CRB2: variants seen among roughly 807,000 people sequenced by gnomAD.
CRB2 encodes crumbs cell polarity complex component 2, also known as protein crumbs homolog 2.
Under a neutral mutation model 110.9 loss-of-function variants are expected in CRB2, and 85 were observed. The ratio of observed to expected loss-of-function variants is 0.77; its 90% CI spans 0.64 to 0.92. CRB2 has a LOEUF of 0.92. CRB2 is among the 40% of genes least tolerant of loss of function. CRB2 has a pLI of 0.00. For missense variants in CRB2, 1,843 were observed against 1,851.3 expected (o/e 1.00, Z 0.08); for synonymous variants, 907 against 831.0 (o/e 1.09, Z -1.57).
At chr9:123,374,887 G>A (rs2042080230) in intron 11 of CRB2, among the ~76,000 whole-genome samples, 192 bp downstream of exon 11, 2 of 152,256 alleles carry the variant, frequency 1.3e-5, no homozygotes, top group African/African-American at 4.8e-5. Context: ...CTGGGCAGTG[G>A]TTGCCTGGTG....
At chr9:123,361,654 TC>T (rs750289704) in intron 1 of CRB2, among the ~76,000 whole-genome samples, 23 of 152,030 alleles carry the variant, frequency 1.5e-4, no homozygotes, top group Non-Finnish European at 3.2e-4. Flanking sequence ...GAGGCTCTCC[TC>T]CCCCATCCCT....
At chr9:123,362,150 G>A (rs764616654) in intron 1 of CRB2, among the ~76,000 whole-genome samples, 2 of 152,328 alleles carry the variant, frequency 1.3e-5, no homozygotes, top group South Asian at 4.1e-4. Context: ...TGGCTGGCAG[G>A]GGGTGGGTAG....
In CRB2 at chr9:123,363,170, T is replaced by A; in HGVS notation, c.400T>A (p.Cys134Ser). The A allele has an allele frequency of 6.2e-7, 1 of 1,607,308 alleles. No homozygotes were observed. Among genetic ancestry groups the A allele is most frequent in the Non-Finnish European group, 8.5e-7 (1 of 1,177,182 alleles). ...RNLADRYECH[C>S]PLGYAGVTCE... ...CCTGGCCGATCGCTACGAGTGCCAT[T>A]GCCCCCTTGGCTATGCAGGTAACAG... Residue 134 changes from cysteine to serine, a missense_variant, in exon 2 of 13, where the codon TGC (cysteine) becomes AGC (serine). Physicochemically the swap from Cys to Ser is moderately radical, Grantham distance 112. Coordinates refer to ENST00000373631, the MANE Select transcript of CRB2 (RefSeq NM_173689.7).
intron 1 of CRB2, among the ~76,000 whole-genome samples, chr9:123,358,872 TG>T (rs1440386320): frequency 6.6e-6 from 1 of 152,218 alleles, no homozygotes. Flanking sequence ...CCCCAGGTTT[TG>T]GCATGGAACC....
At chr9:123,368,465 T>TG in intron 6 of CRB2, among the ~76,000 whole-genome samples, 1 of 152,332 alleles carries the variant, frequency 6.6e-6, no homozygotes, top group East Asian at 1.9e-4. Context: ...TGGCACACAG[T>TG]GGGCCCACAC....
chr9:123,376,789 G>C (rs184261012), intron 12 of CRB2, 49 bp from the exon 13 acceptor site: 2 of 1,527,048 alleles, frequency 1.3e-6, no homozygotes, highest in Non-Finnish European at 1.8e-6. Flanking sequence ...GGGCCCCGGC[G>C]TCCTCCCCTT....
chr9:123,355,768 C>T (rs1043453171), upstream of CRB2, among the ~76,000 whole-genome samples: 1 of 148,600 alleles, frequency 6.7e-6, no homozygotes, highest in African/African-American at 2.5e-5. Context: ...AGCTTCCCAG[C>T]AGAGACAGGG....
At position 123,376,951 on chromosome 9, in the gene CRB2, A is replaced by T. The variant is rs2042112403; in HGVS notation, c.3747A>T (p.Arg1249=). 2.5e-6 allele frequency: 4 copies of T among 1,606,946 alleles called. No homozygotes were observed. Among genetic ancestry groups the T allele is most frequent in the Non-Finnish European group, 3.4e-6 (4 of 1,177,904 alleles). The change falls in exon 13 of 13, where the codon CGA becomes CGT. Residue 1249 remains arginine, a synonymous_variant. Transcript: ENST00000373631. The part of the protein sequence containing the change: ...LGLLSGILAA[R]KRRQSEGTYS... The stretch of plus-strand genomic sequence containing the variant: ...TCCTTTCAGGGATCCTGGCAGCCCG[A>T]AAGCGCCGCCAGTCTGAGGGCACCT...
Position 123,374,708 on chromosome 9 carries a change from G to T in CRB2, c.3506+13G>T, listed in dbSNP as rs748172202. On this transcript the variant is annotated intron_variant, in intron 11 of 12. Coordinates refer to ENST00000373631, the MANE Select transcript of CRB2 (RefSeq NM_173689.7). ...TTGCTGGCCAGAGGTGGGTCTGGGG[G>T]CCTGGGAACTGTGAGGAGGTCCAAT... The T allele has an allele frequency of 2.5e-6, 4 of 1,584,010 alleles. No homozygotes were observed. The highest frequency in any genetic ancestry group is 3.4e-6 in the Non-Finnish European group (4 of 1,160,330).
Position 123,373,697 on chromosome 9 carries a change from G to T in CRB2, c.3166G>T (p.Gly1056Cys). Reference protein sequence around the residue: ...GTPAPILGCRGAPVCAPSPCL... With the variant: ...GTPAPILGCRCAPVCAPSPCL... ...GCCGGCCCCGATCCTCGGCTGCCGC[G>T]GCGCGCCCGTGTGTGCGCCCTCGCC... The change falls in exon 10 of 13, where the codon GGC becomes TGC. Residue 1056 changes from glycine to cysteine, a missense_variant. Gly to Cys is a radical substitution (Grantham distance 159, BLOSUM62 -3). Transcript: ENST00000373631. The T allele has an allele frequency of 6.7e-7, 1 of 1,488,492 alleles. No homozygotes were observed. Among genetic ancestry groups the T allele is most frequent in the Non-Finnish European group, 8.8e-7 (1 of 1,130,852 alleles). 92.2% of individuals were successfully genotyped at this position (1,488,492 alleles called of 1,614,324 possible).
intron 4 of CRB2, among the ~76,000 whole-genome samples, chr9:123,366,737 G>C (rs2041937941): frequency 6.6e-6 from 1 of 152,092 alleles, no homozygotes; most frequent in Non-Finnish European, 1.5e-5. Context: ...CGGATCACGA[G>C]GTCAGGAGTT....
chr9:123,362,980 C>A lies in CRB2; in HGVS notation c.210C>A (p.Gly70=). ...CCTGTGGGCCCATGGAGCCCCGGGG[C>A]TGTGCCACCCAGCCATGCCACCACG... ...GYTCGPMEPR[G]CATQPCHHGA... The change falls in exon 2 of 13, where the codon GGC becomes GGA. Residue 70 remains glycine (G), a synonymous_variant. Transcript: ENST00000373631. The A allele has an allele frequency of 6.2e-7, 1 of 1,612,268 alleles. No individual in the cohort carries two copies. Among genetic ancestry groups the A allele is most frequent in the Non-Finnish European group, 8.5e-7 (1 of 1,179,470 alleles).
chr9:123,370,663 A>G lies in CRB2; in HGVS notation c.1610A>G (p.His537Arg). The G allele has an allele frequency of 6.2e-7, 1 of 1,607,636 alleles. No individual in the cohort carries two copies. Among genetic ancestry groups the G allele is most frequent in the Non-Finnish European group, 8.5e-7 (1 of 1,179,976 alleles). Residue 537 changes from histidine (H) to arginine (R), a missense_variant, in exon 7 of 13, where the codon CAT (histidine) becomes CGT (arginine). His to Arg is a conservative substitution (Grantham distance 29, BLOSUM62 0). Transcript: ENST00000373631. ...HLATLELRLW[H>R]EGCPARLCVA... ...GCGACCCTGGAGCTACGGCTCTGGC[A>G]TGAGGGCTGCCCTGCCCGGCTCTGT...
chr9:123,370,006 A>C, intron 6 of CRB2, 102 bp from the exon 7 acceptor site: 1 of 1,364,202 alleles, frequency 7.3e-7, no homozygotes, highest in East Asian at 2.3e-5. Flanking sequence ...GGTTTGGCTG[A>C]TAGGTACTGA....
chr9:123,367,421 A>AC (rs1554782974), intron 5 of CRB2, 64 bp downstream of exon 5: 64 of 607,992 alleles, frequency 1.1e-4, no homozygotes, highest in Admixed American at 8.2e-4. Context: ...TCTTGTGCCC[A>AC]CCCCCCCACC....
chr9:123,371,723 CA>C, intron 8 of CRB2, 145 bp downstream of exon 8: 1 of 1,130,910 alleles, frequency 8.8e-7, no homozygotes, highest in Non-Finnish European at 1.3e-6. Context: ...GGTCCCACTA[CA>C]GGAGGGTGGC....
Position 123,376,917 on chromosome 9 carries a change from TCCTGGG to T in CRB2, c.3717_3722del (p.Gly1240_Leu1241del), listed in dbSNP as rs773048424. On this transcript the variant is annotated inframe_deletion, in exon 13 of 13. Transcript: ENST00000373631. Reference sequence around the variant, plus strand: ...GCCTGTGCCTGCCTCCTCCTCCTCCTCCTGGGCCTCCTTTCAGGGATCCTGGCAGCC... The same window carrying T: ...GCCTGTGCCTGCCTCCTCCTCCTCCTCCTCCTTTCAGGGATCCTGGCAGCC... 2 of 1,608,594 alleles carry T rather than the reference TCCTGGG, an allele frequency of 1.2e-6. No homozygotes were observed. Among genetic ancestry groups the T allele is most frequent in the Non-Finnish European group, 8.5e-7 (1 of 1,178,664 alleles).
chr9:123,373,106 T>C, intron 9 of CRB2, 28 bp from the exon 10 acceptor site: 1 of 1,457,184 alleles, frequency 6.9e-7, no homozygotes, highest in Non-Finnish European at 9.0e-7. Context: ...CTCCGTGGGC[T>C]ATTCCCTGAG....
chr9:123,357,121 G>T (rs1401859761), intron 1 of CRB2, among the ~76,000 whole-genome samples: 1 of 152,046 alleles, frequency 6.6e-6, no homozygotes, highest in African/African-American at 2.4e-5. Context: ...TTGGGAACAT[G>T]TGTGTGTCCC....
Sources: gnomAD v4.1 joint callset for allele counts (sites outside exome capture counted in the v4.1 genomes callset) on GRCh38, gnomAD v4.1.1 for gene constraint, MANE v1.5 for transcripts, NCBI Gene and HGNC (gene_info 2026-07-23, HGNC 2026-07-21) for gene names.